The following MAGI2 variants were observed in gnomAD, a reference collection of about 807,000 sequenced individuals.
The protein encoded by MAGI2 is membrane associated guanylate kinase, WW and PDZ domain containing 2.
MAGI2 carries 35 observed loss-of-function variants against 133.3 expected under a neutral mutation model. The observed-to-expected ratio is 0.26, with a 90% CI of 0.20 to 0.35. The LOEUF (loss-of-function observed/expected upper bound fraction) is 0.35. MAGI2 is among the 10% of genes least tolerant of loss of function. The pLI is 1.00. For synonymous variants in MAGI2, 729 were observed against 710.6 expected, an observed-to-expected ratio of 1.03 and a Z score of -0.41; for missense variants, 1,636 against 1,863.4, an observed-to-expected ratio of 0.88 and a Z score of 2.25.
intron 9 of MAGI2, among the ~76,000 whole-genome samples, chr7:78,279,924 C>T (rs761284233): frequency 6.6e-6 from 1 of 152,140 alleles, no homozygotes; most frequent in Non-Finnish European, 1.5e-5. Context: ...ATACAGGACA[C>T]CTGCAGGCAT....
intron 7 of MAGI2, chr7:78,358,518 G>A: frequency 6.4e-6 from 1 of 155,716 alleles, no homozygotes; most frequent in Non-Finnish European, 1.4e-5. Context: ...CCATTCCTGG[G>A]CCCCCAGCGC....
intron 10 of MAGI2, chr7:78,252,340 G>C (rs1043800676): frequency 2.6e-5 from 4 of 151,782 alleles, no homozygotes; most frequent in African/African-American, 9.7e-5. Flanking sequence ...CAATGGAACA[G>C]AATAGGGCAT....
intron 2 of MAGI2, among the ~76,000 whole-genome samples, chr7:78,703,489 G>T (rs920007725): frequency 6.6e-6 from 1 of 151,936 alleles, no homozygotes; most frequent in Non-Finnish European, 1.5e-5. Flanking sequence ...AAATCATTTT[G>T]CGTTGAATGG....
chr7:78,960,724 G>A (rs1227897992), intron 2 of MAGI2, among the ~76,000 whole-genome samples: 1 of 152,050 alleles, frequency 6.6e-6, no homozygotes, highest in Non-Finnish European at 1.5e-5. Context: ...AAAGACAGTT[G>A]CACAACATTG....
At chr7:79,108,238 G>A (rs1818610831) in intron 1 of MAGI2, among the ~76,000 whole-genome samples, 1 of 152,122 alleles carries the variant, frequency 6.6e-6, no homozygotes, top group South Asian at 2.1e-4. Context: ...AAAAGAATGG[G>A]CTAGTCCTAT....
intron 9 of MAGI2, among the ~76,000 whole-genome samples, chr7:78,259,343 C>T (rs988619881): frequency 6.6e-6 from 1 of 152,074 alleles, no homozygotes; most frequent in Non-Finnish European, 1.5e-5. Flanking sequence ...AGTTTCATCA[C>T]TTATTAGCTG....
intron 1 of MAGI2, among the ~76,000 whole-genome samples, chr7:79,444,881 A>T (rs1848736271): frequency 6.6e-6 from 1 of 152,212 alleles, no homozygotes. Flanking sequence ...AAAAGAACAA[A>T]GCTGGAGGCA....
rs1213574150 is a variant in MAGI2 at position 78,345,904 on chromosome 7, T to C, written c.1225+18A>G. On this transcript the variant is annotated intron_variant, in intron 8 of 21. Transcript: ENST00000354212. ...ACAATTTTCCCTTTGAAACATCACA[T>C]GCTGACAGGTATCATACCTCGGAAA... The C allele has an allele frequency of 1.2e-6, 2 of 1,612,370 alleles. No homozygotes were observed. Among genetic ancestry groups the C allele is most frequent in the Non-Finnish European group, 1.7e-6 (2 of 1,179,586 alleles).
chr7:78,066,394 A>T (rs1813825808), intron 21 of MAGI2, among the ~76,000 whole-genome samples: 1 of 152,068 alleles, frequency 6.6e-6, no homozygotes, highest in South Asian at 2.1e-4. Flanking sequence ...CCCGGGAGGC[A>T]GAGGTTGCAG....
intron 1 of MAGI2, among the ~76,000 whole-genome samples, chr7:79,054,160 C>G (rs1283418005): frequency 6.6e-6 from 1 of 152,106 alleles, no homozygotes; most frequent in East Asian, 1.9e-4. Flanking sequence ...TGGACCACTC[C>G]ACTCCAGCTT....
At chr7:79,051,793 C>A (rs1030560614) in intron 1 of MAGI2, among the ~76,000 whole-genome samples, 4 of 152,006 alleles carry the variant, frequency 2.6e-5, no homozygotes, top group Non-Finnish European at 4.4e-5. Flanking sequence ...ATGTCAGGAA[C>A]TTTTTATGAA....
At position 78,647,118 on chromosome 7, in the gene MAGI2, A is replaced by C. The variant is rs529107405; in HGVS notation, c.419-19879T>G. Among the ~76,000 whole-genome samples the C allele has an allele frequency of 2.6e-5, 4 of 152,348 alleles. No individual in the cohort carries two copies. In the East Asian group the frequency reaches 7.7e-4, roughly 29 times the overall value. On this transcript the variant is annotated intron_variant, in intron 2 of 21. Transcript: ENST00000354212. ...ATTGTCATGCTAAAACACCAAAAGC[A>C]ATGGCAACAAAAGCCAAAATAGACA...
chr7:78,434,678 T>C (rs964416434), intron 6 of MAGI2, among the ~76,000 whole-genome samples: 2 of 152,084 alleles, frequency 1.3e-5, no homozygotes, highest in South Asian at 2.1e-4. Context: ...GGGCAATGAA[T>C]AGGTTATTTT....
chr7:78,857,906 A>C (rs1019075808), intron 2 of MAGI2, among the ~76,000 whole-genome samples: 3 of 152,192 alleles, frequency 2.0e-5, no homozygotes, highest in African/African-American at 7.2e-5. Context: ...TTGGTAGGCC[A>C]TTAATCATTG....
At chr7:78,715,661 A>G (rs1254525088) in intron 2 of MAGI2, among the ~76,000 whole-genome samples, 1 of 152,248 alleles carries the variant, frequency 6.6e-6, no homozygotes, top group African/African-American at 2.4e-5. Context: ...GATACCAAAG[A>G]CAGATGACAG....
intron 9 of MAGI2, among the ~76,000 whole-genome samples, chr7:78,262,548 T>C (rs1447234975): frequency 6.6e-6 from 1 of 152,132 alleles, no homozygotes; most frequent in Non-Finnish European, 1.5e-5. Flanking sequence ...GCATGACATA[T>C]GAGGCTCTCA....
At chr7:79,258,066 A>G (rs1211805239) in intron 1 of MAGI2, among the ~76,000 whole-genome samples, 1 of 152,172 alleles carries the variant, frequency 6.6e-6, no homozygotes, top group Non-Finnish European at 1.5e-5. Context: ...AACATCAAAC[A>G]TGTTCCATGA....
At chr7:79,056,046 A>G (rs1467073222) in intron 1 of MAGI2, among the ~76,000 whole-genome samples, 15 of 152,194 alleles carry the variant, frequency 9.9e-5, no homozygotes, top group Admixed American at 9.2e-4. Context: ...TAACCTCATA[A>G]ATAAGTTTTA....
chr7:78,642,553 A>C (rs1810424078), intron 2 of MAGI2, among the ~76,000 whole-genome samples: 1 of 152,218 alleles, frequency 6.6e-6, no homozygotes, highest in Non-Finnish European at 1.5e-5. Context: ...ATTTGTCCAA[A>C]TATATATGAA....
Sources: gnomAD v4.1 joint callset for allele counts (sites outside exome capture counted in the v4.1 genomes callset) on GRCh38, gnomAD v4.1.1 for gene constraint, MANE v1.5 for transcripts, NCBI Gene and HGNC (gene_info 2026-07-23, HGNC 2026-07-21) for gene names.